TF: variants seen among roughly 807,000 people sequenced by gnomAD.
The protein encoded by TF is serotransferrin.
Under a neutral mutation model 82.4 loss-of-function variants are expected in TF, and 55 were observed. That is an observed-to-expected ratio of 0.67 (90% CI 0.54 to 0.84). The LOEUF (loss-of-function observed/expected upper bound fraction) is 0.84, where lower values mean the gene tolerates loss of function less well. Among genes scored for constraint, TF ranks in the 40% least tolerant of loss-of-function variants. The pLI is 0.00. For missense variants in TF, 737 were observed against 868.4 expected (o/e 0.85, Z 1.90); for synonymous variants, 332 against 332.6 (o/e 1.00, Z 0.02).
chr3:133,678,849 ATTTTTTG>A, the TF span, among the ~76,000 whole-genome samples: 1 of 130,112 alleles, frequency 7.7e-6, no homozygotes, highest in Non-Finnish European at 1.6e-5. Flanking sequence ...TGGCCCAGCT[ATTTTTTG>A]TTTTGTTTTG....
intron 1 of TF, 101 bp downstream of exon 1, chr3:133,746,584 T>G: frequency 7.3e-7 from 1 of 1,372,616 alleles, no homozygotes; most frequent in East Asian, 2.5e-5. Context: ...GCGCTCAGGC[T>G]GGAAGCCTGG....
At chr3:133,746,569 A>C in intron 1 of TF, 86 bp downstream of exon 1, 2 of 1,440,566 alleles carry the variant, frequency 1.4e-6, no homozygotes, top group East Asian at 2.5e-5. Flanking sequence ...GCCTGCATGC[A>C]CTCCGCGCTC....
At chr3:133,775,337 GC>G in intron 14 of TF, 95 bp from the exon 15 acceptor site, 1 of 1,301,316 alleles carries the variant, frequency 7.7e-7, no homozygotes, top group Non-Finnish European at 1.1e-6. Context: ...TGGCGAGAAG[GC>G]CCAGGTTCTC....
Position 133,770,569 on chromosome 3 carries a change from G to A in TF, c.1684G>A (p.Gly562Arg). The A allele has an allele frequency of 6.2e-7, 1 of 1,614,088 alleles. No individual in the cohort carries two copies. Among genetic ancestry groups the A allele is most frequent in the South Asian group, 1.1e-5 (1 of 91,076 alleles). The change falls in exon 14 of 17, where the codon GGG becomes AGG. Residue 562 changes from glycine to arginine, a missense_variant. Gly to Arg is a moderately radical substitution (Grantham distance 125). Coordinates refer to ENST00000402696, the MANE Select transcript of TF (RefSeq NM_001063.4). ...VKHQTVPQNT[G>R]GKNPDPWAKN... is the part of the protein sequence containing the mutation. ...ACACCAGACTGTCCCACAGAACACT[G>A]GGGGTAAGTGCACCTGCTCCTCTGT...
the TF span, among the ~76,000 whole-genome samples, chr3:133,727,678 G>C: frequency 8.4e-6 from 1 of 119,718 alleles, no homozygotes; most frequent in African/African-American, 3.2e-5. Context: ...ATTGTTATGT[G>C]TGAATTTGAT....
chr3:133,682,574 G>A, the TF span, among the ~76,000 whole-genome samples: 1 of 152,210 alleles, frequency 6.6e-6, no homozygotes, highest in Non-Finnish European at 1.5e-5. Flanking sequence ...ACAAGCTTCA[G>A]TAGCCAATTC....
chr3:133,778,947 G>T lies in TF; in HGVS notation c.*327G>T. The T allele has an allele frequency of 3.1e-6, 1 of 324,742 alleles. No individual in the cohort carries two copies. The highest frequency in any genetic ancestry group is 5.9e-6 in the Non-Finnish European group (1 of 168,656). 20.1% of individuals were successfully genotyped at this position (324,742 alleles called of 1,614,324 possible). The stretch of plus-strand genomic sequence containing the variant: ...GCCATGGCCACATCTCCTGGGTACA[G>T]TTCAAGGAGACATCTTTTCTAAAAG... On this transcript the variant is annotated 3_prime_UTR_variant, in exon 17 of 17. Transcript: ENST00000402696.
the TF span, chr3:133,699,450 CT>C: frequency 2.4e-6 from 3 of 1,233,862 alleles, no homozygotes; most frequent in Non-Finnish European, 3.3e-6. Flanking sequence ...CCCAGAGAAC[CT>C]GGCAAACAAG....
chr3:133,732,552 C>T, the TF span, among the ~76,000 whole-genome samples: 2 of 152,152 alleles, frequency 1.3e-5, no homozygotes, highest in Non-Finnish European at 2.9e-5. Flanking sequence ...AAGTTTTATT[C>T]TTTTGCTGTT....
chr3:133,695,187 T>C, the TF span, among the ~76,000 whole-genome samples: 1 of 151,162 alleles, frequency 6.6e-6, no homozygotes, highest in East Asian at 1.9e-4. Context: ...TGACTGTGGC[T>C]CTCCTGTCAT....
Position 133,755,294 on chromosome 3 carries a change from G to A in TF, c.503-69G>A, listed in dbSNP as rs144319413. ...CCCCTCTGTTCCCTGATGGGCCTGG[G>A]TGGGGTGATGCCATTGGCTGTGGCC... On this transcript the variant is annotated intron_variant, in intron 4 of 16. Transcript: ENST00000402696. 3.8e-4 allele frequency: 614 copies of A among 1,611,064 alleles called. 3 individuals are homozygous for A. The African/African-American group carries it at 6.8e-3, about 18-fold the overall frequency.
the TF span, among the ~76,000 whole-genome samples, chr3:133,670,026 A>G: frequency 6.6e-6 from 1 of 152,222 alleles, no homozygotes; most frequent in Non-Finnish European, 1.5e-5. Context: ...ATGGTGCCCC[A>G]TGCCGTTATT....
the TF span, among the ~76,000 whole-genome samples, chr3:133,695,128 C>T: frequency 5.5e-4 from 83 of 152,158 alleles, no homozygotes; most frequent in African/African-American, 1.8e-3. Context: ...GCCAGCAGTC[C>T]GGGCTGACCC....
At chr3:133,665,645 T>G in the TF span, among the ~76,000 whole-genome samples, 1 of 151,614 alleles carries the variant, frequency 6.6e-6, no homozygotes, top group African/African-American at 2.4e-5. Flanking sequence ...CTTTATCTGT[T>G]TATAGAATGG....
the TF span, among the ~76,000 whole-genome samples, chr3:133,737,174 C>A: frequency 6.6e-6 from 1 of 152,178 alleles, no homozygotes; most frequent in African/African-American, 2.4e-5. Context: ...CTCAAAACTG[C>A]ACAACTACAT....
At chr3:133,756,217 A>G in intron 5 of TF, 65 bp from the exon 6 acceptor site, 1 of 1,501,044 alleles carries the variant, frequency 6.7e-7, no homozygotes, top group African/African-American at 1.4e-5. Flanking sequence ...GTGTGATCAG[A>G]CTCTCCAGGT....
chr3:133,722,727 T>G, the TF span, among the ~76,000 whole-genome samples: 1 of 152,214 alleles, frequency 6.6e-6, no homozygotes, highest in African/African-American at 2.4e-5. Flanking sequence ...TTATCTATGA[T>G]GTGTTCCTCA....
chr3:133,713,408 CA>C, the TF span, among the ~76,000 whole-genome samples: 1 of 152,034 alleles, frequency 6.6e-6, no homozygotes, highest in Non-Finnish European at 1.5e-5. Context: ...GGAGGCAACA[CA>C]AGAGAGAGAG....
At chr3:133,758,060 T>C in intron 8 of TF, 114 bp downstream of exon 8, 3 of 970,930 alleles carry the variant, frequency 3.1e-6, no homozygotes, top group Non-Finnish European at 4.7e-6. Flanking sequence ...TGCTCCTTTT[T>C]CTGACCTGTC....
Sources: gnomAD v4.1 joint callset for allele counts (sites outside exome capture counted in the v4.1 genomes callset) on GRCh38, gnomAD v4.1.1 for gene constraint, MANE v1.5 for transcripts, NCBI Gene and HGNC (gene_info 2026-07-23, HGNC 2026-07-21) for gene names.